RALYL: variants seen among roughly 807,000 people sequenced by gnomAD.
The protein encoded by RALYL is RALY RNA binding protein like, also known as RNA-binding Raly-like protein.
Under a neutral mutation model 35.1 loss-of-function variants are expected in RALYL, and 29 were observed. That is an observed-to-expected ratio of 0.83 (90% confidence interval 0.61 to 1.13). The LOEUF (loss-of-function observed/expected upper bound fraction) is 1.13. Ranked by LOEUF, RALYL falls within the 50% of genes most tolerant of loss-of-function variation. The pLI, the probability that RALYL is intolerant of heterozygous loss-of-function variation, is 0.00. For synonymous variants in RALYL, 120 were observed against 127.6 expected (o/e 0.94, Z 0.40); for missense variants, 359 against 360.4 (o/e 1.00, Z 0.03).
At chr8:84,849,259 CCA>C (rs1835306214) in intron 4 of RALYL, among the ~76,000 whole-genome samples, 1 of 152,042 alleles carries the variant, frequency 6.6e-6, no homozygotes, top group Non-Finnish European at 1.5e-5. Context: ...GGTAAGACAG[CCA>C]CAGTTATTTT....
chr8:84,288,490 C>A (rs1369774850), intron 1 of RALYL, among the ~76,000 whole-genome samples: 1 of 151,468 alleles, frequency 6.6e-6, no homozygotes, highest in African/African-American at 2.4e-5. Context: ...TCACATTCAT[C>A]AATTACATGA....
intron 3 of RALYL, among the ~76,000 whole-genome samples, chr8:84,775,855 T>A (rs1200408175): frequency 6.6e-6 from 1 of 152,232 alleles, no homozygotes; most frequent in Non-Finnish European, 1.5e-5. Context: ...TCCCACTTCA[T>A]GTGCTTTTGC....
chr8:84,204,059 G>T (rs995469809), intron 1 of RALYL, among the ~76,000 whole-genome samples: 3 of 151,826 alleles, frequency 2.0e-5, no homozygotes, highest in Non-Finnish European at 4.4e-5. Context: ...TTTTAAGCCC[G>T]TGGCATTCTG....
intron 2 of RALYL, among the ~76,000 whole-genome samples, chr8:84,575,855 A>G (rs1237836909): frequency 2.0e-5 from 3 of 151,756 alleles, no homozygotes. Flanking sequence ...GACTGGGCAT[A>G]GTGGCGTGCA....
chr8:84,691,672 G>A (rs1001748657), intron 2 of RALYL, among the ~76,000 whole-genome samples: 4 of 151,862 alleles, frequency 2.6e-5, no homozygotes, highest in African/African-American at 9.7e-5. Flanking sequence ...TATATCAGAT[G>A]GATTCCTGGG....
At chr8:84,898,359 G>T (rs1845112540) in intron 8 of RALYL, among the ~76,000 whole-genome samples, 1 of 152,138 alleles carries the variant, frequency 6.6e-6, no homozygotes, top group South Asian at 2.1e-4. Flanking sequence ...ATCACTGAGG[G>T]TGCATCTTTC....
chr8:84,903,752 C>CAGAA (rs1846069547), intron 8 of RALYL, among the ~76,000 whole-genome samples: 1 of 152,164 alleles, frequency 6.6e-6, no homozygotes, highest in South Asian at 2.1e-4. Context: ...TCAATAAACT[C>CAGAA]TTCTAAGATT....
chr8:84,689,062 CTT>C (rs1406116817), intron 2 of RALYL, among the ~76,000 whole-genome samples: 1 of 151,470 alleles, frequency 6.6e-6, no homozygotes, highest in Non-Finnish European at 1.5e-5. Context: ...ATTGGAATGA[CTT>C]TTTTTCTTTT....
chr8:84,459,576 G>A (rs2050513292), intron 1 of RALYL, among the ~76,000 whole-genome samples: 1 of 151,768 alleles, frequency 6.6e-6, no homozygotes, highest in Non-Finnish European at 1.5e-5. Context: ...TATGTCCTTT[G>A]CAATGGAGGA....
At chr8:84,302,383 T>G (rs948303155) in intron 1 of RALYL, among the ~76,000 whole-genome samples, 1 of 152,188 alleles carries the variant, frequency 6.6e-6, no homozygotes, top group African/African-American at 2.4e-5. Context: ...CGCTAAACAT[T>G]CAGACAGCTT....
intron 1 of RALYL, among the ~76,000 whole-genome samples, chr8:84,270,914 A>G (rs891704907): frequency 9.2e-5 from 14 of 152,166 alleles, no homozygotes; most frequent in Non-Finnish European, 1.5e-4. Flanking sequence ...AGAGGAGTCA[A>G]ATGGAATCCC....
intron 1 of RALYL, among the ~76,000 whole-genome samples, chr8:84,525,327 T>A (rs974291529): frequency 6.6e-6 from 1 of 152,190 alleles, no homozygotes; most frequent in Admixed American, 6.5e-5. Flanking sequence ...CATTTGTTTT[T>A]TAGTTGTAAC....
Position 84,628,901 on chromosome 8 carries a change from T to TA in RALYL, c.256+99333dup, listed in dbSNP as rs896713702. Among the ~76,000 whole-genome samples the TA allele has an allele frequency of 5.0e-4, 75 of 150,902 alleles. No homozygotes were observed. In the East Asian group the frequency reaches 5.3e-3, roughly 11 times the overall value. On this transcript the variant is annotated intron_variant, in intron 2 of 8. Transcript: ENST00000521268. ...ATCTTATTTCAGATGGTCTGTCCAG[T>TA]AAAAAAAAATGTGGAGGATAATCTT...
At chr8:84,255,832 A>AAATG (rs1417152637) in intron 1 of RALYL, among the ~76,000 whole-genome samples, 1 of 152,168 alleles carries the variant, frequency 6.6e-6, no homozygotes, top group Non-Finnish European at 1.5e-5. Context: ...AATTATATGG[A>AAATG]AATGAATGAA....
intron 1 of RALYL, among the ~76,000 whole-genome samples, chr8:84,364,951 AT>A (rs201505924): frequency 2.6e-5 from 4 of 151,582 alleles, no homozygotes; most frequent in Non-Finnish European, 5.9e-5. Context: ...ATAGTTTTGA[AT>A]TTTTTTTTAC....
intron 1 of RALYL, among the ~76,000 whole-genome samples, chr8:84,497,297 G>T (rs1301708559): frequency 6.6e-6 from 1 of 152,096 alleles, no homozygotes. Context: ...ATTCACTCAG[G>T]TCCATAAAAC....
At chr8:84,828,136 T>C (rs1830099280) in intron 4 of RALYL, among the ~76,000 whole-genome samples, 1 of 152,176 alleles carries the variant, frequency 6.6e-6, no homozygotes, top group African/African-American at 2.4e-5. Context: ...ATTATACCTC[T>C]CTGTGTATTT....
chr8:84,238,722 G>A (rs1362721743), intron 1 of RALYL, among the ~76,000 whole-genome samples: 1 of 152,084 alleles, frequency 6.6e-6, no homozygotes, highest in Non-Finnish European at 1.5e-5. Flanking sequence ...TATGAGAGAG[G>A]AGAGGGAAAT....
At chr8:84,869,872 A>C (rs896928633) in intron 6 of RALYL, among the ~76,000 whole-genome samples, 2 of 152,156 alleles carry the variant, frequency 1.3e-5, no homozygotes, top group African/African-American at 2.4e-5. Flanking sequence ...CGTGTGCCTA[A>C]TATTCTTTTT....
Sources: gnomAD v4.1 joint callset for allele counts (sites outside exome capture counted in the v4.1 genomes callset) on GRCh38, gnomAD v4.1.1 for gene constraint, MANE v1.5 for transcripts, NCBI Gene and HGNC (gene_info 2026-07-23, HGNC 2026-07-21) for gene names.